The following PARVB variants were observed in gnomAD, a reference collection of about 807,000 sequenced individuals.
PARVB encodes the protein beta-parvin.
Under a neutral mutation model 47.0 loss-of-function variants are expected in PARVB, and 46 were observed. The observed-to-expected ratio is 0.98, with a 90% CI of 0.77 to 1.25. The LOEUF is 1.25. Among genes scored for constraint, PARVB ranks in the 50% most tolerant of loss-of-function variants. The pLI is 0.00. For synonymous variants in PARVB, 196 were observed against 196.3 expected (o/e 1.00, Z 0.01); for missense variants, 473 against 471.6 (o/e 1.00, Z -0.03).
intron 1 of PARVB, among the ~76,000 whole-genome samples, chr22:44,043,463 C>T (rs1368143197): frequency 6.6e-6 from 1 of 152,112 alleles, no homozygotes; most frequent in Non-Finnish European, 1.5e-5. Flanking sequence ...ACTGCAAGCT[C>T]CGCCTCCCGG....
intron 1 of PARVB, among the ~76,000 whole-genome samples, chr22:44,036,999 A>G (rs908776563): frequency 1.3e-5 from 2 of 151,850 alleles, no homozygotes; most frequent in African/African-American, 4.8e-5. Context: ...AATAATCATA[A>G]TAAAGATAAT....
At chr22:44,067,075 C>T (rs1171111083) in intron 1 of PARVB, among the ~76,000 whole-genome samples, 4 of 152,086 alleles carry the variant, frequency 2.6e-5, no homozygotes, top group African/African-American at 4.8e-5. Context: ...CTCCTGGGCT[C>T]GAGCGGTCCT....
intron 3 of PARVB, among the ~76,000 whole-genome samples, chr22:44,116,785 G>A (rs149416468): frequency 6.6e-6 from 1 of 152,290 alleles, no homozygotes; most frequent in African/African-American, 2.4e-5. Context: ...GAGCTCTGGA[G>A]GAGGAAGTGC....
intron 3 of PARVB, chr22:44,110,596 T>G (rs1364039721): frequency 4.6e-5 from 7 of 152,092 alleles, no homozygotes; most frequent in Non-Finnish European, 8.8e-5. Flanking sequence ...TTTATTTTAT[T>G]TTAATTATTA....
intron 9 of PARVB, chr22:44,151,040 A>AAAAAAAAAAAAAAAAC: frequency 6.5e-6 from 1 of 154,996 alleles, no homozygotes; most frequent in Admixed American, 6.4e-5. Flanking sequence ...AAAAAAAAAA[A>AAAAAAAAAAAAAAAAC]AAAAAAAAAA....
chr22:44,120,969 G>A (rs1449538414), intron 4 of PARVB, among the ~76,000 whole-genome samples: 1 of 151,852 alleles, frequency 6.6e-6, no homozygotes, highest in East Asian at 1.9e-4. Flanking sequence ...TTAGCCTCCT[G>A]AGTAGCTGGG....
At chr22:44,085,997 T>G (rs534694928) in intron 1 of PARVB, among the ~76,000 whole-genome samples, 1 of 152,348 alleles carries the variant, frequency 6.6e-6, no homozygotes, top group South Asian at 2.1e-4. Context: ...TATTTCATCT[T>G]GAGAAATGGG....
intron 1 of PARVB, among the ~76,000 whole-genome samples, chr22:44,055,794 C>A (rs1268813802): frequency 6.6e-6 from 1 of 152,154 alleles, no homozygotes; most frequent in African/African-American, 2.4e-5. Context: ...GGCGTCAGCC[C>A]AAGTGCGGGA....
chr22:44,136,165 C>G (rs1048538796), intron 6 of PARVB, among the ~76,000 whole-genome samples: 3 of 152,124 alleles, frequency 2.0e-5, no homozygotes, highest in Non-Finnish European at 4.4e-5. Context: ...TTTGGGGAAT[C>G]CTGACCTGGG....
chr22:44,127,298 A>C (rs2053208058), intron 4 of PARVB, among the ~76,000 whole-genome samples: 1 of 152,132 alleles, frequency 6.6e-6, no homozygotes, highest in South Asian at 2.1e-4. Context: ...TAGAATATTC[A>C]GATAGTAACA....
chr22:44,034,072 A>AATATATAT lies in PARVB; in HGVS notation c.112+9630_112+9637dup, dbSNP rs141630951. ...TTTTTGCTATAAATGGAATTTGAAG[A>AATATATAT]ATATATATATATATATGAACATACA... is the stretch of plus-strand genomic sequence containing the variant. On this transcript the variant is annotated intron_variant, in intron 1 of 12. Transcript: ENST00000338758. 1.7e-3 allele frequency among the ~76,000 whole-genome samples: 260 copies of AATATATAT among 149,144 alleles called. 4 individuals are homozygous for AATATATAT. The highest frequency in any genetic ancestry group is 5.1e-3 in the South Asian group (24 of 4,732).
intron 1 of PARVB, among the ~76,000 whole-genome samples, chr22:44,055,705 G>A (rs1428057977): frequency 6.6e-6 from 1 of 150,402 alleles, no homozygotes; most frequent in East Asian, 1.9e-4. Flanking sequence ...TGAAGAGATT[G>A]ATTATAAGTT....
upstream of PARVB, among the ~76,000 whole-genome samples, chr22:44,019,781 C>G (rs1431786361): frequency 6.6e-6 from 1 of 152,138 alleles, no homozygotes; most frequent in Non-Finnish European, 1.5e-5. Context: ...GGGATCCTCC[C>G]CAGGACCCAC....
At position 44,049,327 on chromosome 22, in the gene PARVB, G is replaced by A. The variant is rs532975511; in HGVS notation, c.112+24876G>A. On this transcript the variant is annotated intron_variant, in intron 1 of 12. Coordinates refer to ENST00000338758, the MANE Select transcript of PARVB (RefSeq NM_013327.5). This position sits in a 1 kb window ranked among gnomAD's most constrained non-coding sequence, Gnocchi z 4.0. ...AGACAATCAGCAAAGCTAGGGACCC[G>A]TTTTCTCCTCCCAGCCCCCTTTCTC... Among the ~76,000 whole-genome samples the A allele has an allele frequency of 6.6e-6, 1 of 152,262 alleles. No individual in the cohort carries two copies. The highest frequency in any genetic ancestry group is 1.9e-4 in the East Asian group (1 of 5,192).
At chr22:44,095,432 A>AT (rs2052279503) in intron 2 of PARVB, among the ~76,000 whole-genome samples, 1 of 151,310 alleles carries the variant, frequency 6.6e-6, no homozygotes, top group Non-Finnish European at 1.5e-5. Flanking sequence ...TGAACCCGGG[A>AT]TTGGGATGTT....
chr22:44,163,036 C>T (rs777674508), intron 11 of PARVB, among the ~76,000 whole-genome samples: 3 of 152,206 alleles, frequency 2.0e-5, no homozygotes, highest in African/African-American at 7.2e-5. Context: ...TAAGGCCCTC[C>T]CTCCCCTGAG....
Position 44,100,067 on chromosome 22 carries a change from CG to C in PARVB, c.218del (p.Arg73ProfsTer3). The C allele has an allele frequency of 6.2e-7, 1 of 1,613,884 alleles. No homozygotes were observed. The highest frequency in any genetic ancestry group is 8.5e-7 in the Non-Finnish European group (1 of 1,179,800). On this transcript the variant is annotated frameshift_variant, in exon 3 of 13. Coordinates refer to ENST00000338758, the MANE Select transcript of PARVB (RefSeq NM_013327.5). LOFTEE classifies it high-confidence loss of function. ...EDTQLEENEE[R>X]TMIDPTSKED... is the part of the protein sequence containing the mutation. The stretch of plus-strand genomic sequence containing the variant: ...GTCCCTGGCAGAGGAGAACGAGGAG[CG>C]CACGATGATTGACCCCACTTCCAAG...
chr22:44,055,725 T>A (rs2051297893), intron 1 of PARVB, among the ~76,000 whole-genome samples: 1 of 151,924 alleles, frequency 6.6e-6, no homozygotes, highest in South Asian at 2.1e-4. Context: ...TATTGGCTCA[T>A]GTGGTTACGA....
intron 1 of PARVB, among the ~76,000 whole-genome samples, chr22:44,045,414 T>C (rs1259144335): frequency 1.3e-5 from 2 of 152,184 alleles, no homozygotes; most frequent in African/African-American, 4.8e-5. Flanking sequence ...CAACTTCTTT[T>C]GAGAAATCAT....
Sources: gnomAD v4.1 joint callset for allele counts (sites outside exome capture counted in the v4.1 genomes callset) on GRCh38, gnomAD v4.1.1 for gene constraint, Gnocchi (gnomAD v3.1) non-coding constraint, MANE v1.5 for transcripts, NCBI Gene and HGNC (gene_info 2026-07-23, HGNC 2026-07-21) for gene names.